WDCP: variants seen among roughly 807,000 people sequenced by gnomAD.
WDCP encodes WD repeat and coiled coil containing, also known as WD repeat and coiled-coil-containing protein.
Under a neutral mutation model 41.6 loss-of-function variants are expected in WDCP, and 19 were observed. The ratio of observed to expected loss-of-function variants is 0.46; its 90% CI spans 0.32 to 0.67. WDCP has a LOEUF of 0.67. WDCP is among the 30% of genes least tolerant of loss of function. The pLI is 0.04. For synonymous variants in WDCP, 302 were observed against 320.8 expected (o/e 0.94, Z 0.63); for missense variants, 802 against 850.7 (o/e 0.94, Z 0.71).
At chr2:24,042,410 C>G (rs2150953536) in intron 1 of WDCP, among the ~76,000 whole-genome samples, 1 of 152,114 alleles carries the variant, frequency 6.6e-6, no homozygotes, top group East Asian at 1.9e-4. Flanking sequence ...TTGGCGGGCG[C>G]CTGTAGTCCC....
intron 3 of WDCP, among the ~76,000 whole-genome samples, chr2:24,032,477 C>T (rs146572031): frequency 3.9e-5 from 6 of 152,184 alleles, no homozygotes; most frequent in African/African-American, 9.6e-5. Context: ...ACTCCAGGAC[C>T]GGGTGGCAGA....
intron 2 of WDCP, among the ~76,000 whole-genome samples, chr2:24,036,094 A>AAATAAAT (rs1553317298): frequency 2.0e-5 from 3 of 149,944 alleles, no homozygotes; most frequent in Non-Finnish European, 4.4e-5. Context: ...ATAAATAAAT[A>AAATAAAT]AATAAATAAA....
In WDCP at chr2:24,038,766, A is replaced by G; in HGVS notation, c.729T>C (p.Ser243=). 1 of 1,614,192 alleles carries G rather than the reference A, an allele frequency of 6.2e-7. No homozygotes were observed. The highest frequency in any genetic ancestry group is 8.5e-7 in the Non-Finnish European group (1 of 1,180,036). ...GTAAAGCATACGGAGTCATGTCTTT[A>G]CTGTTAGGTGGGATATTAAAGGTTT... The part of the protein sequence containing the change: ...ASETFNIPPN[S]KDMTPYALPV... Residue 243 remains serine, a synonymous_variant, in exon 2 of 4, where the codon AGT becomes AGC. Transcript: ENST00000295148.
At chr2:24,046,520 G>A (rs1480923644) in intron 1 of WDCP, among the ~76,000 whole-genome samples, 5 of 152,160 alleles carry the variant, frequency 3.3e-5, no homozygotes, top group Non-Finnish European at 7.3e-5. Context: ...AAGAGCCGGT[G>A]CTCAGTATAT....
At chr2:24,036,776 C>G (rs1196227137) in intron 2 of WDCP, among the ~76,000 whole-genome samples, 1 of 152,196 alleles carries the variant, frequency 6.6e-6, no homozygotes, top group Non-Finnish European at 1.5e-5. Context: ...AAAACAATGA[C>G]AAACCATTCC....
chr2:24,046,326 TTTA>T (rs1663624261), intron 1 of WDCP, among the ~76,000 whole-genome samples: 1 of 152,118 alleles, frequency 6.6e-6, no homozygotes, highest in African/African-American at 2.4e-5. Context: ...AGGACCAAGG[TTTA>T]AATGCTCTTC....
At position 24,038,527 on chromosome 2, in the gene WDCP, G is replaced by T; in HGVS notation, c.968C>A (p.Thr323Asn). ...GQDSSHLVLV[T>N]FKKAVTMTRK... The stretch of plus-strand genomic sequence containing the variant: ...CGTCATGGTAACTGCCTTCTTAAAG[G>T]TCACAAGGACCAAATGTGAAGAATC... Residue 323 changes from threonine to asparagine, a missense_variant, in exon 2 of 4, where the codon ACC becomes AAC. Around this residue, in one of 5 missense-constraint regions of WDCP, gnomAD observed 247 missense variants for 240.5 expected, o/e 1.03. Coordinates refer to ENST00000295148, the MANE Select transcript of WDCP (RefSeq NM_025203.3). 1 of 1,614,212 alleles carries T rather than the reference G, an allele frequency of 6.2e-7. No homozygotes were observed. Among genetic ancestry groups the T allele is most frequent in the Non-Finnish European group, 8.5e-7 (1 of 1,180,048 alleles).
At chr2:24,042,590 T>C (rs181983167) in intron 1 of WDCP, among the ~76,000 whole-genome samples, 2 of 143,384 alleles carry the variant, frequency 1.4e-5, no homozygotes, top group Admixed American at 1.4e-4. Flanking sequence ...ATGCCTGTAA[T>C]CCCAGCTACT....
chr2:24,039,031 G>A lies in WDCP; in HGVS notation c.464C>T (p.Thr155Ile), dbSNP rs1283435368. The A allele has an allele frequency of 1.2e-6, 2 of 1,614,154 alleles. No individual in the cohort carries two copies. The highest frequency in any genetic ancestry group is 1.1e-5 in the South Asian group (1 of 91,088). ...DDSQVKADIN[T>I]QGRIHCACWT... ...ACATGCACAGTGAATGCGGCCCTGG[G>A]TGTTGATGTCTGCCTTTACCTGGGA... is the stretch of plus-strand genomic sequence containing the variant. Residue 155 changes from threonine to isoleucine, a missense_variant, in exon 2 of 4, where the codon ACC becomes ATC. Around this residue, in one of 5 missense-constraint regions of WDCP, gnomAD observed 214 missense variants for 252.9 expected, o/e 0.85. Coordinates refer to ENST00000295148, the MANE Select transcript of WDCP (RefSeq NM_025203.3).
chr2:24,035,841 C>T (rs144869663), intron 2 of WDCP, among the ~76,000 whole-genome samples: 10,966 of 151,690 alleles, frequency 0.072, 499 homozygotes, highest in Middle Eastern at 0.12. Context: ...GAGGCCAAGG[C>T]GGGCAGATCA....
chr2:24,037,453 T>C (rs1054717294), intron 2 of WDCP, among the ~76,000 whole-genome samples: 2 of 152,250 alleles, frequency 1.3e-5, no homozygotes, highest in Non-Finnish European at 2.9e-5. Flanking sequence ...TTCCACGTCA[T>C]GCACCTGATA....
At position 24,037,734 on chromosome 2, in the gene WDCP, T is replaced by C. The variant is rs187108244; in HGVS notation, c.1761A>G (p.Lys587=). 3.7e-6 allele frequency: 6 copies of C among 1,614,180 alleles called. No individual in the cohort carries two copies. In the Admixed American group the frequency reaches 1.0e-4, roughly 27 times the overall value. ...ELTNRLHNGK[K]SSSVYPLSQD... Reference sequence around the variant, plus strand: ...GAGAGAGTGGATACACTGAAGAGGATTTCTTCCCATTATGCAGACGGTTTG... The same window carrying C: ...GAGAGAGTGGATACACTGAAGAGGACTTCTTCCCATTATGCAGACGGTTTG... The change falls in exon 2 of 4, where the codon AAA becomes AAG. Residue 587 remains lysine, a synonymous_variant. Coordinates refer to ENST00000295148, the MANE Select transcript of WDCP (RefSeq NM_025203.3).
At position 24,037,672 on chromosome 2, in the gene WDCP, T is replaced by G; in HGVS notation, c.1818+5A>C. 6.2e-7 allele frequency: 1 copy of G among 1,602,154 alleles called. No individual in the cohort carries two copies. Among genetic ancestry groups the G allele is most frequent in the Non-Finnish European group, 8.5e-7 (1 of 1,175,540 alleles). Reference sequence around the variant, plus strand: ...ATAGTGGTAGTTCCTCAAAGGAGAATTTACCTGGTAAATGATGTGAACATA... The same window carrying G: ...ATAGTGGTAGTTCCTCAAAGGAGAAGTTACCTGGTAAATGATGTGAACATA... On this transcript the variant is annotated splice_donor_5th_base_variant and intron_variant, in intron 2 of 3. Transcript: ENST00000295148.
At chr2:24,042,139 C>T (rs1247089253) in intron 1 of WDCP, among the ~76,000 whole-genome samples, 5 of 151,768 alleles carry the variant, frequency 3.3e-5, no homozygotes, top group South Asian at 2.1e-4. Flanking sequence ...TGGCAGCTCA[C>T]GCCTGTAATC....
chr2:24,037,097 G>A (rs1301470687), intron 2 of WDCP, among the ~76,000 whole-genome samples: 1 of 152,160 alleles, frequency 6.6e-6, no homozygotes, highest in Non-Finnish European at 1.5e-5. Context: ...GCACAGTCTC[G>A]GCTCACTGAA....
At chr2:24,046,946 T>TGA (rs574078405) in intron 1 of WDCP, among the ~76,000 whole-genome samples, 14 of 152,162 alleles carry the variant, frequency 9.2e-5, no homozygotes, top group Non-Finnish European at 1.8e-4. Flanking sequence ...ATACACTCAG[T>TGA]GAAGTGACAT....
chr2:24,037,711 G>C lies in WDCP; in HGVS notation c.1784C>G (p.Ser595Cys). 6.2e-7 allele frequency: 1 copy of C among 1,613,642 alleles called. No homozygotes were observed. Among genetic ancestry groups the C allele is most frequent in the Non-Finnish European group, 8.5e-7 (1 of 1,179,874 alleles). ...GATGTGAACATAAGGAAGATCTTGA[G>C]AGAGTGGATACACTGAAGAGGATTT... is the stretch of plus-strand genomic sequence containing the variant. ...GKKSSSVYPL[S>C]QDLPYVHIIY... The change falls in exon 2 of 4, where the codon TCT (serine) becomes TGT (cysteine). Residue 595 changes from serine (S) to cysteine (C), a missense_variant. By Grantham distance (112) the Ser-to-Cys change is moderately radical. Around this residue, in one of 5 missense-constraint regions of WDCP, gnomAD observed 321 missense variants for 305.1 expected, o/e 1.05. Coordinates refer to ENST00000295148, the MANE Select transcript of WDCP (RefSeq NM_025203.3).
At position 24,030,693 on chromosome 2, in the gene WDCP, C is replaced by CA. The variant is rs1454972220; in HGVS notation, c.*239dup. On this transcript the variant is annotated 3_prime_UTR_variant, in exon 4 of 4. Coordinates refer to ENST00000295148, the MANE Select transcript of WDCP (RefSeq NM_025203.3). ...TTGTTCTGAGAATTCTGCCCTTAGT[C>CA]AAAACCACACAGTCATGAATACATA... 6.6e-6 allele frequency: 3 copies of CA among 452,314 alleles called. No individual in the cohort carries two copies. The highest frequency in any genetic ancestry group is 5.8e-5 in the African/African-American group (3 of 51,348). 28.0% of individuals were successfully genotyped at this position (452,314 alleles called of 1,614,324 possible).
Position 24,032,930 on chromosome 2 carries a change from C to A in WDCP, c.1835G>T (p.Gly612Val), listed in dbSNP as rs540849121. 6.2e-7 allele frequency: 1 copy of A among 1,604,830 alleles called. No individual in the cohort carries two copies. Among genetic ancestry groups the A allele is most frequent in the East Asian group, 2.2e-5 (1 of 44,836 alleles). The part of the protein sequence containing the change: ...HIIYQKPYYL[G>V]PVVEKRAVLL... ...CACCGCTCTTTTTTCAACAACAGGA[C>A]CTAGATAATAAGGTTTCTGCAAATA... Residue 612 changes from glycine to valine, a missense_variant, in exon 3 of 4, where the codon GGT becomes GTT. Gly to Val is a moderately radical substitution (Grantham distance 109). This residue lies in a region of WDCP where 321 missense variants were observed against 305.1 expected (regional missense o/e 1.05). Transcript: ENST00000295148.
Sources: allele counts gnomAD v4.1 joint callset (sites outside exome capture counted in the v4.1 genomes callset), GRCh38; gene constraint gnomAD v4.1.1; regional missense constraint gnomAD v4.1.1; transcripts MANE v1.5; gene names NCBI Gene and HGNC (gene_info 2026-07-23, HGNC 2026-07-21).